HSPA12A: variants seen among roughly 807,000 people sequenced by gnomAD.
HSPA12A encodes the protein heat shock 70 kDa protein 12A.
In HSPA12A, 28 loss-of-function variants were observed where a neutral mutation model predicts 69.2. The ratio of observed to expected loss-of-function variants is 0.40; its 90% CI spans 0.30 to 0.55. HSPA12A has a LOEUF of 0.55. Among genes scored for constraint, HSPA12A ranks in the 20% least tolerant of loss-of-function variants. HSPA12A has a pLI of 0.38. For missense variants in HSPA12A, 686 were observed against 900.7 expected (o/e 0.76, Z 3.05); for synonymous variants, 345 against 370.5 (o/e 0.93, Z 0.79).
chr10:116,816,004 G>T (rs1429564092), intron 2 of HSPA12A, among the ~76,000 whole-genome samples: 1 of 152,190 alleles, frequency 6.6e-6, no homozygotes, highest in Admixed American at 6.5e-5. Context: ...GCTGAGCTGT[G>T]CAGGTGCATT....
At chr10:116,820,548 T>C (rs1485170902) in intron 2 of HSPA12A, among the ~76,000 whole-genome samples, 1 of 152,090 alleles carries the variant, frequency 6.6e-6, no homozygotes, top group African/African-American at 2.4e-5. Flanking sequence ...TCATTTGCTT[T>C]CCAGGACACC....
intron 2 of HSPA12A, among the ~76,000 whole-genome samples, chr10:116,795,602 C>G (rs1247498376): frequency 2.0e-5 from 3 of 146,882 alleles, no homozygotes; most frequent in Non-Finnish European, 4.4e-5. Flanking sequence ...AGGAGAATTG[C>G]TTGAACTCGG....
intron 2 of HSPA12A, among the ~76,000 whole-genome samples, chr10:116,760,476 C>A (rs941037548): frequency 1.3e-5 from 2 of 152,160 alleles, no homozygotes; most frequent in African/African-American, 4.8e-5. Flanking sequence ...TCACTCCACA[C>A]CTCTGATCAG....
intron 2 of HSPA12A, among the ~76,000 whole-genome samples, chr10:116,786,044 G>C (rs1337065836): frequency 2.0e-5 from 3 of 152,150 alleles, no homozygotes; most frequent in African/African-American, 4.8e-5. Flanking sequence ...CCTGTGCACT[G>C]GGAATCTTTG....
In HSPA12A at chr10:116,767,759, G is replaced by C. The variant is rs117464133; in HGVS notation, c.92-60474C>G. Among the ~76,000 whole-genome samples, 3 of 152,166 alleles carry C rather than the reference G, an allele frequency of 2.0e-5. 1 individual carries two copies. In the South Asian group the frequency reaches 6.2e-4, roughly 32 times the overall value. Reference sequence around the variant, plus strand: ...AAGAGACCCCTTTGCTTCTGATGCCGTGTGTGGCTTCATGACAGCATGATG... The same window carrying C: ...AAGAGACCCCTTTGCTTCTGATGCCCTGTGTGGCTTCATGACAGCATGATG... On this transcript the variant is annotated intron_variant, in intron 2 of 12. Coordinates refer to the HSPA12A transcript ENST00000635765.
intron 9 of HSPA12A, 75 bp from the exon 10 acceptor site, chr10:116,679,836 C>T: frequency 1.3e-6 from 2 of 1,495,874 alleles, no homozygotes; most frequent in South Asian, 2.5e-5. Flanking sequence ...GAGAAACAGG[C>T]CCACCTGTTC....
At chr10:116,692,286 G>T in intron 6 of HSPA12A, 65 bp downstream of exon 6, 1 of 1,310,848 alleles carries the variant, frequency 7.6e-7, no homozygotes, top group Non-Finnish European at 1.1e-6. Flanking sequence ...CGGGGCTACA[G>T]TCACCACCCT....
intron 2 of HSPA12A, among the ~76,000 whole-genome samples, chr10:116,821,626 GCAT>G (rs1564831056): frequency 6.6e-6 from 1 of 152,242 alleles, no homozygotes; most frequent in East Asian, 1.9e-4. Context: ...ATCCAGTGCT[GCAT>G]AATGTGTAGA....
chr10:116,752,709 C>T (rs1221046338), intron 2 of HSPA12A, among the ~76,000 whole-genome samples: 2 of 152,196 alleles, frequency 1.3e-5, no homozygotes, highest in Non-Finnish European at 2.9e-5. Context: ...ATACTTGCTC[C>T]ATCCCCGCCT....
chr10:116,690,878 G>T (rs1283796636), intron 6 of HSPA12A, among the ~76,000 whole-genome samples: 3 of 152,060 alleles, frequency 2.0e-5, no homozygotes, highest in Non-Finnish European at 2.9e-5. Context: ...TTCCTGTGGG[G>T]CTGGGAAAAG....
At chr10:116,752,712 C>T (rs1373030520) in intron 2 of HSPA12A, among the ~76,000 whole-genome samples, 1 of 152,176 alleles carries the variant, frequency 6.6e-6, no homozygotes, top group African/African-American at 2.4e-5. Context: ...CTTGCTCCAT[C>T]CCCGCCTAGC....
At chr10:116,743,853 A>T (rs1320123073), upstream of HSPA12A, among the ~76,000 whole-genome samples, 1 of 152,248 alleles carries the variant, frequency 6.6e-6, no homozygotes, top group African/African-American at 2.4e-5. Context: ...CTGGCTGTGC[A>T]TGAAACCACA....
intron 2 of HSPA12A, among the ~76,000 whole-genome samples, chr10:116,826,536 C>T (rs934318682): frequency 3.9e-5 from 6 of 152,146 alleles, no homozygotes; most frequent in Non-Finnish European, 1.5e-5. Flanking sequence ...AACTGATGGA[C>T]GACACGGGTG....
At chr10:116,809,179 G>C (rs1845127705) in intron 2 of HSPA12A, among the ~76,000 whole-genome samples, 1 of 152,188 alleles carries the variant, frequency 6.6e-6, no homozygotes, top group South Asian at 2.1e-4. Flanking sequence ...CTCAGGGGCA[G>C]AGGCTTTTCC....
intron 2 of HSPA12A, chr10:116,829,706 C>T (rs1043656098): frequency 1.3e-5 from 2 of 152,156 alleles, no homozygotes; most frequent in African/African-American, 4.8e-5. Flanking sequence ...AAATGTGACT[C>T]ACTCAATGTC....
chr10:116,705,100 AG>A, intron 3 of HSPA12A, 50 bp downstream of exon 3: 2 of 1,607,076 alleles, frequency 1.2e-6, no homozygotes, highest in Non-Finnish European at 1.7e-6. Flanking sequence ...GAGTCTCCAC[AG>A]GTGCAGTGGT....
intron 2 of HSPA12A, among the ~76,000 whole-genome samples, chr10:116,808,255 G>A (rs1471563333): frequency 6.0e-5 from 8 of 133,442 alleles, no homozygotes; most frequent in Admixed American, 1.8e-4. Context: ...GCTTGGCTAT[G>A]AGAACAGATG....
intron 1 of HSPA12A, among the ~76,000 whole-genome samples, chr10:116,713,525 T>G (rs1177942406): frequency 2.6e-5 from 4 of 152,114 alleles, no homozygotes; most frequent in Admixed American, 6.5e-5. Flanking sequence ...GGTAGCAACT[T>G]CTTGTTACCC....
chr10:116,785,298 G>A (rs991100273), intron 2 of HSPA12A, among the ~76,000 whole-genome samples: 6 of 152,046 alleles, frequency 3.9e-5, no homozygotes, highest in African/African-American at 7.2e-5. Flanking sequence ...TGTCTTGTTC[G>A]GGAACGTTCT....
Sources: allele counts gnomAD v4.1 joint callset (sites outside exome capture counted in the v4.1 genomes callset), GRCh38; gene constraint gnomAD v4.1.1; transcripts MANE v1.5; gene names NCBI Gene and HGNC (gene_info 2026-07-23, HGNC 2026-07-21).